THSD7A: variants seen among roughly 807,000 people sequenced by gnomAD.
THSD7A encodes thrombospondin type-1 domain-containing protein 7A.
THSD7A carries 96 observed loss-of-function variants against 231.3 expected under a neutral mutation model. The observed-to-expected ratio is 0.41, with a 90% CI of 0.35 to 0.49. The LOEUF (loss-of-function observed/expected upper bound fraction) is 0.49. THSD7A is among the 20% of genes least tolerant of loss of function. The pLI is 0.05. For missense variants in THSD7A, 2,290 were observed against 2,070.2 expected (o/e 1.11, Z -2.06); for synonymous variants, 940 against 743.3 (o/e 1.26, Z -4.30).
intron 4 of THSD7A, among the ~76,000 whole-genome samples, chr7:11,576,472 T>C (rs982433821): frequency 6.6e-6 from 1 of 152,188 alleles, no homozygotes; most frequent in African/African-American, 2.4e-5. Flanking sequence ...ACAGCACGAA[T>C]GCATATTGTT....
chr7:11,790,598 T>A (rs1355673197), intron 1 of THSD7A, among the ~76,000 whole-genome samples: 9 of 151,990 alleles, frequency 5.9e-5, no homozygotes, highest in Non-Finnish European at 1.3e-4. Context: ...TTAAAAATGT[T>A]TCTTAAATTT....
intron 23 of THSD7A, among the ~76,000 whole-genome samples, chr7:11,386,483 C>T (rs1325345700): frequency 6.6e-6 from 1 of 151,946 alleles, no homozygotes; most frequent in Non-Finnish European, 1.5e-5. Flanking sequence ...ATGAGCTTTT[C>T]TTCATGTTTG....
chr7:11,561,106 G>C (rs887189529), intron 4 of THSD7A, among the ~76,000 whole-genome samples: 2 of 152,124 alleles, frequency 1.3e-5, no homozygotes, highest in African/African-American at 4.8e-5. Flanking sequence ...CATCCAAGCA[G>C]TCTGGCTCCA....
intron 1 of THSD7A, among the ~76,000 whole-genome samples, chr7:11,752,414 A>G (rs1041106125): frequency 6.6e-6 from 1 of 152,000 alleles, no homozygotes; most frequent in Non-Finnish European, 1.5e-5. Context: ...CTTCATTCCA[A>G]TTAAACTGAA....
chr7:11,733,050 C>A (rs1781791592), intron 1 of THSD7A, among the ~76,000 whole-genome samples: 1 of 151,746 alleles, frequency 6.6e-6, no homozygotes, highest in Non-Finnish European at 1.5e-5. Context: ...AATATATTGA[C>A]AGCCTCTGGA....
chr7:11,719,434 G>A (rs968206800), intron 1 of THSD7A, among the ~76,000 whole-genome samples: 2 of 151,416 alleles, frequency 1.3e-5, no homozygotes, highest in Admixed American at 1.3e-4. Context: ...CATTATATTT[G>A]GATTTTGTTT....
At chr7:11,728,932 T>C (rs1781633642) in intron 1 of THSD7A, among the ~76,000 whole-genome samples, 1 of 151,800 alleles carries the variant, frequency 6.6e-6, no homozygotes, top group Non-Finnish European at 1.5e-5. Context: ...TTTACAGAAA[T>C]TTCCTAAAGT....
chr7:11,524,283 T>G (rs947483508), intron 6 of THSD7A, among the ~76,000 whole-genome samples: 11 of 152,094 alleles, frequency 7.2e-5, no homozygotes, highest in Admixed American at 1.3e-4. Flanking sequence ...TCTAGATGTA[T>G]GACAATCTTG....
At chr7:11,493,142 A>G (rs1294340195) in intron 6 of THSD7A, among the ~76,000 whole-genome samples, 1 of 152,188 alleles carries the variant, frequency 6.6e-6, no homozygotes, top group Non-Finnish European at 1.5e-5. Context: ...TAGCTGATAC[A>G]GAAAGCATCA....
intron 6 of THSD7A, among the ~76,000 whole-genome samples, chr7:11,499,426 C>A (rs1362924857): frequency 6.6e-6 from 1 of 152,206 alleles, no homozygotes; most frequent in Non-Finnish European, 1.5e-5. Flanking sequence ...TTCCCTAGAG[C>A]TTCAGTGGGC....
At chr7:11,732,393 C>T (rs947318522) in intron 1 of THSD7A, among the ~76,000 whole-genome samples, 1 of 151,800 alleles carries the variant, frequency 6.6e-6, no homozygotes, top group Non-Finnish European at 1.5e-5. Context: ...CTGCCGGACG[C>T]ATAGTGCAAA....
At chr7:11,423,318 T>G (rs1784211553) in intron 16 of THSD7A, among the ~76,000 whole-genome samples, 1 of 152,012 alleles carries the variant, frequency 6.6e-6, no homozygotes, top group Non-Finnish European at 1.5e-5. Flanking sequence ...CATGAAAGGT[T>G]GGGTTATGGG....
intron 6 of THSD7A, among the ~76,000 whole-genome samples, chr7:11,491,069 A>AT (rs1343296684): frequency 3.9e-5 from 6 of 151,932 alleles, no homozygotes; most frequent in African/African-American, 9.7e-5. Flanking sequence ...GTACTTAATC[A>AT]TTTTTTCCGA....
At chr7:11,653,782 C>G (rs938383865) in intron 1 of THSD7A, among the ~76,000 whole-genome samples, 4 of 151,800 alleles carry the variant, frequency 2.6e-5, no homozygotes, top group African/African-American at 9.7e-5. Context: ...CAGTATTTTG[C>G]CAAGAAAACC....
rs1583327022 is a variant in THSD7A at position 11,831,866 on chromosome 7, C to T, written c.81G>A (p.Pro27=). Residue 27 remains proline (P), a synonymous_variant, in exon 1 of 28, where the codon CCG becomes CCA. Coordinates refer to ENST00000423059, the MANE Select transcript of THSD7A (RefSeq NM_015204.3). This position sits in a 1 kb window ranked among gnomAD's most constrained non-coding sequence, Gnocchi z 5.0. ...GPRRGVLQLL[P]LPLPLPLLLL... ...GGAGCAGCGGCAGCGGCAGCGGCAG[C>T]GGCAGCAGCTGCAGGACGCCCCGGC... The T allele has an allele frequency of 8.5e-6, 11 of 1,297,714 alleles. No homozygotes were observed. Among genetic ancestry groups the T allele is most frequent in the South Asian group, 2.6e-5 (1 of 37,982 alleles). 80.4% of individuals were successfully genotyped at this position (1,297,714 alleles called of 1,614,324 possible).
At position 11,463,093 on chromosome 7, in the gene THSD7A, A is replaced by G. The variant is rs186376609; in HGVS notation, c.2369-950T>C. Among the ~76,000 whole-genome samples, 949 of 152,324 alleles carry G rather than the reference A, an allele frequency of 6.2e-3. 6 individuals carry two copies. The highest frequency in any genetic ancestry group is 0.01 in the Non-Finnish European group (714 of 68,030). Reference sequence around the variant, plus strand: ...TGCAAGATCTTCAAATATTTCATACATAGACTACAGGAACAGAAATATTTT... The same window carrying G: ...TGCAAGATCTTCAAATATTTCATACGTAGACTACAGGAACAGAAATATTTT... On this transcript the variant is annotated intron_variant, in intron 9 of 27. Transcript: ENST00000423059.
chr7:11,742,913 G>A (rs949378618), intron 1 of THSD7A, among the ~76,000 whole-genome samples: 11 of 151,830 alleles, frequency 7.2e-5, no homozygotes, highest in Non-Finnish European at 5.9e-5. Context: ...AATACAAACT[G>A]CTACTTTCTA....
At chr7:11,425,841 GA>G (rs1784302764) in intron 15 of THSD7A, among the ~76,000 whole-genome samples, 2 of 151,748 alleles carry the variant, frequency 1.3e-5, no homozygotes, top group Admixed American at 6.6e-5. Flanking sequence ...ATGAATTCTA[GA>G]AAAGATAGAT....
intron 1 of THSD7A, among the ~76,000 whole-genome samples, chr7:11,729,377 TAAGGTTACCGATACACAGCACCGC>T: frequency 6.6e-6 from 1 of 151,654 alleles, no homozygotes; most frequent in East Asian, 2.0e-4. Context: ...GATTCTGGAG[TAAGGTTACCGATACACAGCACCGC>T]AAATAACATT....
Sources: gnomAD v4.1 joint callset for allele counts (sites outside exome capture counted in the v4.1 genomes callset) on GRCh38, gnomAD v4.1.1 for gene constraint, Gnocchi (gnomAD v3.1) non-coding constraint, MANE v1.5 for transcripts, NCBI Gene and HGNC (gene_info 2026-07-23, HGNC 2026-07-21) for gene names.